PNPT1: variants seen among roughly 807,000 people sequenced by gnomAD.
The protein encoded by PNPT1 is polyribonucleotide nucleotidyltransferase 1, mitochondrial.
A neutral mutation model predicts 119.5 loss-of-function variants in PNPT1; 53 were observed. The observed-to-expected ratio is 0.44, with a 90% CI of 0.36 to 0.56. PNPT1 has a LOEUF of 0.56. PNPT1 is among the 20% of genes least tolerant of loss of function. The pLI, the probability that PNPT1 is intolerant of heterozygous loss-of-function variation, is 0.00. For synonymous variants in PNPT1, 357 were observed against 322.1 expected (o/e 1.11, Z -1.16); for missense variants, 948 against 938.5 (o/e 1.01, Z -0.13).
At chr2:55,689,406 G>A (rs1338581976) in intron 1 of PNPT1, among the ~76,000 whole-genome samples, 1 of 152,192 alleles carries the variant, frequency 6.6e-6, no homozygotes, top group East Asian at 1.9e-4. Flanking sequence ...CAGCTGTTAT[G>A]AATGTTCCTT....
rs143606654 is a variant in PNPT1 at position 55,657,708 on chromosome 2, G to A, written c.1285-1337C>T. On this transcript the variant is annotated intron_variant, in intron 15 of 27. Transcript: ENST00000447944. ...AATGCAGTGGATGGAGCAGGAATCT[G>A]ATTAAACCTCTGGATCTAGCGGTCA... Among the ~76,000 whole-genome samples the A allele has an allele frequency of 1.0e-3, 154 of 151,848 alleles. 1 individual carries two copies. Among genetic ancestry groups the A allele is most frequent in the African/African-American group, 3.1e-3 (127 of 41,502 alleles).
chr2:55,640,496 A>G (rs1260263012), intron 26 of PNPT1, 131 bp downstream of exon 26: 1 of 804,630 alleles, frequency 1.2e-6, no homozygotes, highest in Non-Finnish European at 2.0e-6. Flanking sequence ...TGCCAGCAGC[A>G]TCTCTGCCAC....
chr2:55,679,223 G>A (rs1384713864), intron 8 of PNPT1, among the ~76,000 whole-genome samples: 3 of 152,116 alleles, frequency 2.0e-5, no homozygotes, highest in Non-Finnish European at 2.9e-5. Context: ...TTTCCACCTA[G>A]TAGAAATGGG....
intron 14 of PNPT1, among the ~76,000 whole-genome samples, chr2:55,661,519 G>A (rs988564887): frequency 2.0e-5 from 3 of 152,150 alleles, no homozygotes; most frequent in Non-Finnish European, 2.9e-5. Flanking sequence ...AAGTATTTCT[G>A]AACACAAAAT....
chr2:55,684,792 T>A, intron 4 of PNPT1, 151 bp downstream of exon 4: 1 of 1,081,952 alleles, frequency 9.2e-7, no homozygotes, highest in East Asian at 3.1e-5. Context: ...GTGCCCACAT[T>A]TGAGTGAGGG....
intron 11 of PNPT1, among the ~76,000 whole-genome samples, chr2:55,671,077 G>A (rs367655065): frequency 6.6e-6 from 1 of 152,112 alleles, no homozygotes; most frequent in South Asian, 2.1e-4. Flanking sequence ...GAAACAGTTC[G>A]GGGAAGCTTT....
In PNPT1 at chr2:55,684,966, T is replaced by C. The variant is rs1452859387; in HGVS notation, c.380A>G (p.Glu127Gly). The C allele has an allele frequency of 6.3e-7, 1 of 1,587,996 alleles. No homozygotes were observed. Among genetic ancestry groups the C allele is most frequent in the Non-Finnish European group, 8.6e-7 (1 of 1,161,880 alleles). ...LRREIGTSDK[E>G]ILTSRIIDRS... ...ACCTATTATTCGACTTGTTAGAATT[T>C]CTTTATCAGAAGTACCAATCTCTCT... The change falls in exon 4 of 28, where the codon GAA (glutamate) becomes GGA (glycine). Residue 127 changes from glutamate to glycine, a missense_variant. Coordinates refer to ENST00000447944, the MANE Select transcript of PNPT1 (RefSeq NM_033109.5).
chr2:55,676,426 C>T (rs1697074356), intron 8 of PNPT1, among the ~76,000 whole-genome samples: 1 of 152,156 alleles, frequency 6.6e-6, no homozygotes, highest in African/African-American at 2.4e-5. Flanking sequence ...TATCTTCTCA[C>T]ACACAGAAAT....
intron 13 of PNPT1, among the ~76,000 whole-genome samples, chr2:55,664,213 T>G (rs1696666017): frequency 2.6e-5 from 4 of 152,208 alleles, no homozygotes; most frequent in Admixed American, 2.6e-4. Context: ...CATGTAGATG[T>G]AACTGATAAG....
intron 18 of PNPT1, among the ~76,000 whole-genome samples, chr2:55,647,802 C>T (rs1399397028): frequency 2.0e-5 from 3 of 152,094 alleles, no homozygotes; most frequent in African/African-American, 4.8e-5. Flanking sequence ...GGATTACAAG[C>T]GTGAGCCACC....
chr2:55,658,117 C>T (rs1378812935), intron 15 of PNPT1, among the ~76,000 whole-genome samples: 1 of 151,684 alleles, frequency 6.6e-6, no homozygotes, highest in Non-Finnish European at 1.5e-5. Flanking sequence ...CCTGTAGTCC[C>T]AGCTACTTGG....
At chr2:55,656,029 T>C (rs1696374683) in intron 17 of PNPT1, 102 bp downstream of exon 17, 2 of 1,415,332 alleles carry the variant, frequency 1.4e-6, no homozygotes, top group East Asian at 4.9e-5. Context: ...CAAACTTGGG[T>C]TCTGTAGTAA....
Position 55,634,595 on chromosome 2 carries a change from GC to G in PNPT1, c.*1641del, listed in dbSNP as rs1037270013. On this transcript the variant is annotated 3_prime_UTR_variant, in exon 28 of 28. Coordinates refer to ENST00000447944, the MANE Select transcript of PNPT1 (RefSeq NM_033109.5). ...TTTGAGATGGAGTTTTACTCTTTTTGCCCAGGCTGGAGTGCAGTGGTGCGAT... is the reference window on the plus strand; with the variant it reads ...TTTGAGATGGAGTTTTACTCTTTTTGCCAGGCTGGAGTGCAGTGGTGCGAT... 1 of 147,050 alleles carries G rather than the reference GC, an allele frequency of 6.8e-6. No individual in the cohort carries two copies. The highest frequency in any genetic ancestry group is 2.5e-5 in the African/African-American group (1 of 39,636). The allele number at this position is 147,050 out of a possible 1,614,324, so 9.1% of individuals were successfully genotyped here. A position where few individuals can be genotyped will look rare whatever the true frequency, so the allele number is the denominator to read the frequency against.
intron 3 of PNPT1, among the ~76,000 whole-genome samples, chr2:55,685,813 T>C (rs1475209787): frequency 3.3e-5 from 5 of 152,214 alleles, no homozygotes; most frequent in African/African-American, 4.8e-5. Flanking sequence ...TAAAACACCA[T>C]AGTATTTGTT....
chr2:55,650,134 CTCTCTCCA>C (rs1472464212), intron 18 of PNPT1, among the ~76,000 whole-genome samples: 1 of 141,946 alleles, frequency 7.0e-6, no homozygotes, highest in Non-Finnish European at 1.6e-5. Flanking sequence ...CCCTCTCTCC[CTCTCTCCA>C]CCTCTACCTC....
At chr2:55,671,220 T>C (rs1696903280) in intron 11 of PNPT1, 99 bp downstream of exon 11, 2 of 567,842 alleles carry the variant, frequency 3.5e-6, no homozygotes, top group African/African-American at 3.9e-5. Flanking sequence ...ATGTGATGCC[T>C]TTCCTCTTTG....
In PNPT1 at chr2:55,647,464, G is replaced by A; in HGVS notation, c.1496-11C>T. ...ATGAAATTGGAACCCCTATAATTGGGAAAAAGAACAACTGTGGGTAATGTG... is the reference window on the plus strand; with the variant it reads ...ATGAAATTGGAACCCCTATAATTGGAAAAAAGAACAACTGTGGGTAATGTG... On this transcript the variant is annotated splice_polypyrimidine_tract_variant and intron_variant, in intron 18 of 27. Transcript: ENST00000447944. 2.5e-6 allele frequency: 4 copies of A among 1,586,930 alleles called. No individual in the cohort carries two copies. The highest frequency in any genetic ancestry group is 3.4e-6 in the Non-Finnish European group (4 of 1,163,762).
chr2:55,658,882 T>A (rs1696474883), intron 15 of PNPT1, among the ~76,000 whole-genome samples: 1 of 152,238 alleles, frequency 6.6e-6, no homozygotes, highest in Non-Finnish European at 1.5e-5. Flanking sequence ...ATGCTGAGAC[T>A]CTGGGCAGCC....
intron 8 of PNPT1, among the ~76,000 whole-genome samples, chr2:55,675,951 A>T (rs1385039849): frequency 6.6e-6 from 1 of 152,136 alleles, no homozygotes; most frequent in Non-Finnish European, 1.5e-5. Context: ...AAATTTAAAC[A>T]TAAAAGCTTG....
Sources: allele counts gnomAD v4.1 joint callset (sites outside exome capture counted in the v4.1 genomes callset), GRCh38; gene constraint gnomAD v4.1.1; transcripts MANE v1.5; gene names NCBI Gene and HGNC (gene_info 2026-07-23, HGNC 2026-07-21).